IQSEC3: variants seen among roughly 807,000 people sequenced by gnomAD.
IQSEC3 encodes the protein IQ motif and Sec7 domain ArfGEF 3.
In IQSEC3, 50 loss-of-function variants were observed where a neutral mutation model predicts 105.4. The ratio of observed to expected loss-of-function variants is 0.47; its 90% CI spans 0.38 to 0.60. The LOEUF (loss-of-function observed/expected upper bound fraction) is 0.60. Among genes scored for constraint, IQSEC3 ranks in the 20% least tolerant of loss-of-function variants. IQSEC3 has a pLI of 0.00. For missense variants in IQSEC3, 1,415 were observed against 1,630.0 expected (o/e 0.87, Z 2.27); for synonymous variants, 708 against 746.0 (o/e 0.95, Z 0.83).
At chr12:141,045 ATGGG>A (rs1865999904) in intron 4 of IQSEC3, 75 bp from the exon 5 acceptor site, 90 of 1,419,068 alleles carry the variant, frequency 6.3e-5, no homozygotes, top group Non-Finnish European at 8.6e-5. Context: ...GGGTACTTCT[ATGGG>A]TGGAAGACAG....
chr12:76,300 G>A (rs1209052996), intron 1 of IQSEC3, among the ~76,000 whole-genome samples: 9 of 152,272 alleles, frequency 5.9e-5, no homozygotes, highest in Non-Finnish European at 1.0e-4. Context: ...GGCAGGATCA[G>A]CTGTGTTCAG....
chr12:111,773 C>T (rs1448105981), intron 2 of IQSEC3: 2 of 152,204 alleles, frequency 1.3e-5, no homozygotes, highest in Admixed American at 1.3e-4. Flanking sequence ...GGACACATCT[C>T]CCCTGTCAGC....
At chr12:79,018 C>T (rs1365262193) in intron 1 of IQSEC3, among the ~76,000 whole-genome samples, 2 of 152,224 alleles carry the variant, frequency 1.3e-5, no homozygotes, top group Non-Finnish European at 2.9e-5. Flanking sequence ...CCATCCTTCC[C>T]TTCCCTTGCC....
intron 1 of IQSEC3, among the ~76,000 whole-genome samples, chr12:81,517 G>T (rs1555070711): frequency 6.6e-6 from 1 of 152,210 alleles, no homozygotes; most frequent in Non-Finnish European, 1.5e-5. Context: ...CTTCCTGAGG[G>T]ATCAGTGTGG....
chr12:141,408 TC>T, intron 5 of IQSEC3, 123 bp downstream of exon 5: 1 of 1,075,030 alleles, frequency 9.3e-7, no homozygotes, highest in Non-Finnish European at 1.3e-6. Context: ...TTCCAGATTG[TC>T]CACAGGAACC....
rs201912061 is a variant in IQSEC3 at position 138,966 on chromosome 12, C to T, written c.1603C>T (p.Arg535Trp). ...GGCCGAGCAGGGCGAGACCTCTGGG[C>T]GGGAGGCCCCGGAAGCCCCCGCCGT... The part of the protein sequence containing the change: ...GKAEQGETSG[R>W]EAPEAPAVGR... The change falls in exon 4 of 14, where the codon CGG (arginine) becomes TGG (tryptophan). Residue 535 changes from arginine to tryptophan, a missense_variant. By Grantham distance (101) the Arg-to-Trp change is moderately radical (BLOSUM62 -3). Transcript: ENST00000538872. The surrounding 1 kb of genome is among the most constrained non-coding windows in gnomAD (Gnocchi z 7.1). 4 of 1,547,818 alleles carry T rather than the reference C, an allele frequency of 2.6e-6. No homozygotes were observed. The highest frequency in any genetic ancestry group is 2.7e-5 in the African/African-American group (2 of 73,408).
chr12:108,321 A>G (rs1214538433), intron 2 of IQSEC3, among the ~76,000 whole-genome samples: 1 of 152,248 alleles, frequency 6.6e-6, no homozygotes, highest in Non-Finnish European at 1.5e-5. Flanking sequence ...TGGAAATAGC[A>G]TATACAGTGC....
chr12:84,671 A>G (rs1555071588), intron 1 of IQSEC3, among the ~76,000 whole-genome samples: 2 of 152,206 alleles, frequency 1.3e-5, no homozygotes, highest in African/African-American at 4.8e-5. Flanking sequence ...GCACCCAGGC[A>G]GGTGTGTATG....
At chr12:82,847 C>T (rs535999966) in intron 1 of IQSEC3, among the ~76,000 whole-genome samples, 2 of 152,330 alleles carry the variant, frequency 1.3e-5, no homozygotes, top group East Asian at 3.9e-4. Flanking sequence ...ACCCCGCAGA[C>T]AACTACAGTA....
At chr12:78,190 C>G (rs1176413575) in intron 1 of IQSEC3, among the ~76,000 whole-genome samples, 4 of 151,282 alleles carry the variant, frequency 2.6e-5, no homozygotes, top group Middle Eastern at 3.2e-3. Context: ...CGCAGGGCGC[C>G]GCCTCCTCCC....
At chr12:151,024 G>T (rs1866489135) in intron 5 of IQSEC3, among the ~76,000 whole-genome samples, 1 of 146,482 alleles carries the variant, frequency 6.8e-6, no homozygotes, top group Admixed American at 6.7e-5. Context: ...GGGTGCTCCT[G>T]AGATGATTCA....
intron 1 of IQSEC3, among the ~76,000 whole-genome samples, chr12:80,035 T>C (rs1555070377): frequency 6.6e-6 from 1 of 152,182 alleles, no homozygotes; most frequent in African/African-American, 2.4e-5. Flanking sequence ...AATATTCCAC[T>C]GTATGGCTGT....
Position 125,678 on chromosome 12 carries a change from G to A in IQSEC3, c.669G>A (p.Val223=). The part of the protein sequence containing the change: ...TQAGGGMEDS[V]VAAAAVAAGR... ...CCGGTGGGGGCATGGAGGACTCCGT[G>A]GTGGCAGCGGCGGCGGTGGCAGCCG... Residue 223 remains valine (V), a synonymous_variant, in exon 3 of 14, where the codon GTG becomes GTA. Transcript: ENST00000538872. 1.3e-6 allele frequency: 2 copies of A among 1,538,738 alleles called. No homozygotes were observed. The highest frequency in any genetic ancestry group is 8.7e-7 in the Non-Finnish European group (1 of 1,154,068).
intron 1 of IQSEC3, among the ~76,000 whole-genome samples, chr12:79,870 G>T (rs550554640): frequency 6.6e-6 from 1 of 152,150 alleles, no homozygotes; most frequent in Admixed American, 6.5e-5. Context: ...CCAGCTATAT[G>T]TACATTTAAG....
At position 125,896 on chromosome 12, in the gene IQSEC3, A is replaced by AAC. The variant is rs1865381810; in HGVS notation, c.887_888insAC (p.Asp296GlufsTer3). 3.3e-6 allele frequency: 5 copies of AAC among 1,533,300 alleles called. No individual in the cohort carries two copies. The highest frequency in any genetic ancestry group is 4.4e-6 in the Non-Finnish European group (5 of 1,146,362). The allele number at this position is 1,533,300 out of a possible 1,614,324, so 95.0% of individuals were successfully genotyped here. On this transcript the variant is annotated frameshift_variant, in exon 3 of 14. Coordinates refer to ENST00000538872, the MANE Select transcript of IQSEC3 (RefSeq NM_001170738.2). LOFTEE classifies it high-confidence loss of function. ...GCCTCCGATTACGAACTCTCCCTTG[A>AAC]CCTAAAGAATAAACAGGTACCCAGG... is the stretch of plus-strand genomic sequence containing the variant.
intron 5 of IQSEC3, among the ~76,000 whole-genome samples, chr12:154,336 C>A (rs1866611489): frequency 6.6e-6 from 1 of 152,198 alleles, no homozygotes; most frequent in African/African-American, 2.4e-5. Flanking sequence ...GGCAGCCTGC[C>A]CCCACAGTGC....
At chr12:125,997 C>T in intron 3 of IQSEC3, 85 bp downstream of exon 3, 2 of 1,325,170 alleles carry the variant, frequency 1.5e-6, no homozygotes, top group South Asian at 1.4e-5. Flanking sequence ...GATATCCCCG[C>T]TGGGTCCCCT....
chr12:157,007 C>G lies in IQSEC3; in HGVS notation c.2154-18C>G, dbSNP rs782344666. ...TTAGGGTGCCACCTGACCTCACACC[C>G]TCCCTGCCTGCCCTCAGCTGCGTGG... On this transcript the variant is annotated intron_variant, in intron 5 of 13. Coordinates refer to ENST00000538872, the MANE Select transcript of IQSEC3 (RefSeq NM_001170738.2). 3.2e-6 allele frequency: 5 copies of G among 1,576,562 alleles called. No homozygotes were observed. Among genetic ancestry groups the G allele is most frequent in the Non-Finnish European group, 3.4e-6 (4 of 1,160,270 alleles).
intron 6 of IQSEC3, 52 bp downstream of exon 6, chr12:157,199 C>T (rs1018039199): frequency 2.4e-5 from 36 of 1,474,300 alleles, no homozygotes; most frequent in East Asian, 5.0e-5. Flanking sequence ...GTGGGGAAGC[C>T]GGGCCGCTGT....
Sources: allele counts gnomAD v4.1 joint callset (sites outside exome capture counted in the v4.1 genomes callset), GRCh38; gene constraint gnomAD v4.1.1; non-coding constraint Gnocchi (gnomAD v3.1); transcripts MANE v1.5; gene names NCBI Gene and HGNC (gene_info 2026-07-23, HGNC 2026-07-21).